Variants in C11orf58 observed in about 807,000 individuals in gnomAD.
C11orf58 encodes small acidic protein.
Under a neutral mutation model 22.7 loss-of-function variants are expected in C11orf58, and 5 were observed. The ratio of observed to expected loss-of-function variants is 0.22; its 90% CI spans 0.12 to 0.46. C11orf58 has a LOEUF of 0.46. Ranked by LOEUF, C11orf58 falls within the 20% of genes least tolerant of loss-of-function variation. C11orf58 has a pLI of 0.99. For missense variants in C11orf58, 151 were observed against 223.3 expected (o/e 0.68, Z 2.06); for synonymous variants, 71 against 70.7 (o/e 1.00, Z -0.02).
At chr11:16,753,220 G>A (rs756912620) in intron 4 of C11orf58, among the ~76,000 whole-genome samples, 2 of 152,072 alleles carry the variant, frequency 1.3e-5, no homozygotes, top group African/African-American at 2.4e-5. Context: ...TGGGATTACA[G>A]GCGCCTGCCA....
chr11:16,747,970 G>T, intron 2 of C11orf58, 127 bp from the exon 3 acceptor site: 1 of 715,524 alleles, frequency 1.4e-6, no homozygotes, highest in Admixed American at 2.6e-5. Flanking sequence ...TAAAGGCAGA[G>T]ATTCTAATTT....
In C11orf58 at chr11:16,758,164, T is replaced by G. The variant is rs1848596657; in HGVS notation, c.*3060T>G. On this transcript the variant is annotated 3_prime_UTR_variant, in exon 5 of 5. Transcript: ENST00000228136. ...AGGGCGTAGTCTGTTTCCACCTCTG[T>G]AAGTCCTATCTAGGCTTCCTGATCT... Among the ~76,000 whole-genome samples the G allele has an allele frequency of 1.3e-5, 2 of 152,082 alleles. No individual in the cohort carries two copies. Among genetic ancestry groups the G allele is most frequent in the Admixed American group, 6.6e-5 (1 of 15,250 alleles).
chr11:16,741,635 T>C (rs908803154), intron 1 of C11orf58, among the ~76,000 whole-genome samples: 7 of 152,224 alleles, frequency 4.6e-5, no homozygotes, highest in Admixed American at 4.6e-4. Flanking sequence ...CAAAGCTTCA[T>C]CTGTATTTAC....
At position 16,756,973 on chromosome 11, in the gene C11orf58, C is replaced by A. The variant is rs889743257; in HGVS notation, c.*1869C>A. 4 of 149,550 alleles carry A rather than the reference C, an allele frequency of 2.7e-5. No individual in the cohort carries two copies. The highest frequency in any genetic ancestry group is 9.8e-5 in the African/African-American group (4 of 40,900). 9.3% of individuals were successfully genotyped at this position (149,550 alleles called of 1,614,324 possible). Reference sequence around the variant, plus strand: ...ATTTAACAAGTAGAACAGGTGATTTCTGGTTGATAGACTCTATCTTGCAGT... The same window carrying A: ...ATTTAACAAGTAGAACAGGTGATTTATGGTTGATAGACTCTATCTTGCAGT... On this transcript the variant is annotated 3_prime_UTR_variant, in exon 5 of 5. Transcript: ENST00000228136.
intron 1 of C11orf58, among the ~76,000 whole-genome samples, chr11:16,744,067 A>C (rs75299581): frequency 6.6e-6 from 1 of 150,832 alleles, no homozygotes; most frequent in Non-Finnish European, 1.5e-5. Flanking sequence ...AAAAAAAAAA[A>C]GGCAACTGAA....
rs1290621801 is a variant in C11orf58, at chr11:16,757,222, C to A, written c.*2118C>A. Among the ~76,000 whole-genome samples, 2 of 152,054 alleles carry A rather than the reference C, an allele frequency of 1.3e-5. No homozygotes were observed. Among genetic ancestry groups the A allele is most frequent in the African/African-American group, 4.8e-5 (2 of 41,368 alleles). On this transcript the variant is annotated 3_prime_UTR_variant, in exon 5 of 5. Coordinates refer to ENST00000228136, the MANE Select transcript of C11orf58 (RefSeq NM_014267.6). Reference sequence around the variant, plus strand: ...CAAATGTCTGTGGGATTGCTTATAACTAAGTAGAAAGTGAAGACTGATTTT... The same window carrying A: ...CAAATGTCTGTGGGATTGCTTATAAATAAGTAGAAAGTGAAGACTGATTTT...
At chr11:16,740,551 G>T (rs1327072407) in intron 1 of C11orf58, among the ~76,000 whole-genome samples, 1 of 151,846 alleles carries the variant, frequency 6.6e-6, no homozygotes, top group East Asian at 2.0e-4. Context: ...CACTACAGTA[G>T]CTCGGACTAC....
intron 3 of C11orf58, chr11:16,748,967 T>C (rs566072617): frequency 6.6e-6 from 1 of 152,318 alleles, no homozygotes; most frequent in South Asian, 2.1e-4. Context: ...ATGTACAGAA[T>C]TTTTGTTCTT....
At chr11:16,753,984 A>G (rs2134075367) in intron 4 of C11orf58, 2 of 489,852 alleles carry the variant, frequency 4.1e-6, no homozygotes, top group Non-Finnish European at 7.4e-6. Context: ...GTGAGCCACC[A>G]TGTCCGGCCA....
chr11:16,746,543 G>T (rs1043124648), intron 2 of C11orf58, among the ~76,000 whole-genome samples: 1 of 152,152 alleles, frequency 6.6e-6, no homozygotes, highest in African/African-American at 2.4e-5. Flanking sequence ...TAAAAGATTT[G>T]TTAAGGATAT....
At chr11:16,739,903 G>T (rs1848432110) in intron 1 of C11orf58, among the ~76,000 whole-genome samples, 1 of 152,148 alleles carries the variant, frequency 6.6e-6, no homozygotes, top group Non-Finnish European at 1.5e-5. Context: ...ATACTACTTT[G>T]TAGCAAATGA....
rs1848543781 is a variant in C11orf58 at position 16,752,810 on chromosome 11, A to G, written c.234A>G (p.Glu78=). 5 of 1,610,864 alleles carry G rather than the reference A, an allele frequency of 3.1e-6. No individual in the cohort carries two copies. Among genetic ancestry groups the G allele is most frequent in the African/African-American group, 1.3e-5 (1 of 74,796 alleles). ...GGGAAGAAGACAAGAAAATTAATGAAGAACTGGAGTCTCAATATCAGCAAA... is the reference window on the plus strand; with the variant it reads ...GGGAAGAAGACAAGAAAATTAATGAGGAACTGGAGTCTCAATATCAGCAAA... ...RTGEEDKKIN[E]ELESQYQQSM... Residue 78 remains glutamate (E), a synonymous_variant, in exon 4 of 5, where the codon GAA becomes GAG. Transcript: ENST00000228136.
At chr11:16,754,014 G>A (rs1298578479) in intron 4 of C11orf58, 14 of 435,524 alleles carry the variant, frequency 3.2e-5, no homozygotes, top group South Asian at 5.9e-5. Flanking sequence ...TTTAATAGGC[G>A]TGAACAACAA....
chr11:16,753,896 G>A, intron 4 of C11orf58: 2 of 523,082 alleles, frequency 3.8e-6, no homozygotes, highest in East Asian at 3.3e-5. Context: ...ACGGAGTTTT[G>A]CTATGTTGCC....
intron 1 of C11orf58, among the ~76,000 whole-genome samples, chr11:16,741,771 G>T (rs1369481804): frequency 1.3e-5 from 2 of 152,182 alleles, no homozygotes; most frequent in African/African-American, 2.4e-5. Flanking sequence ...CTCCTTATGA[G>T]AATCTAATGC....
At chr11:16,753,524 G>GTATTTTTT (rs1452927565) in intron 4 of C11orf58, among the ~76,000 whole-genome samples, 2 of 151,826 alleles carry the variant, frequency 1.3e-5, no homozygotes, top group Non-Finnish European at 2.9e-5. Context: ...CGCCACACCA[G>GTATTTTTT]GCTAATTTTT....
intron 3 of C11orf58, 143 bp from the exon 4 acceptor site, chr11:16,752,642 C>G: frequency 2.1e-6 from 1 of 467,500 alleles, no homozygotes; most frequent in Non-Finnish European, 3.7e-6. Flanking sequence ...AGGTAACCAC[C>G]TATGGCATAA....
At chr11:16,753,015 C>A in intron 4 of C11orf58, 121 bp downstream of exon 4, 1 of 676,384 alleles carries the variant, frequency 1.5e-6, no homozygotes, top group Non-Finnish European at 2.4e-6. Flanking sequence ...ATGTAGTTAT[C>A]TTAAAAATAA....
intron 2 of C11orf58, 47 bp from the exon 3 acceptor site, chr11:16,748,050 T>A: frequency 6.9e-7 from 1 of 1,451,656 alleles, no homozygotes; most frequent in Non-Finnish European, 9.7e-7. Context: ...CCCAATAAGG[T>A]TAAATTAGTG....
Sources: gnomAD v4.1 joint callset for allele counts (sites outside exome capture counted in the v4.1 genomes callset) on GRCh38, gnomAD v4.1.1 for gene constraint, MANE v1.5 for transcripts, NCBI Gene and HGNC (gene_info 2026-07-23, HGNC 2026-07-21) for gene names.